DOP1B: variants seen among roughly 807,000 people sequenced by gnomAD.
DOP1B encodes the protein DOP1 leucine zipper like protein B.
A neutral mutation model predicts 233.5 loss-of-function variants in DOP1B; 174 were observed. The observed-to-expected ratio is 0.75, with a 90% confidence interval of 0.66 to 0.85. The LOEUF (loss-of-function observed/expected upper bound fraction) is 0.85, where lower values mean the gene tolerates loss of function less well. Ranked by LOEUF, DOP1B falls within the 40% of genes least tolerant of loss-of-function variation. DOP1B has a pLI of 0.00. For missense variants in DOP1B, 2,652 were observed against 2,846.6 expected (o/e 0.93, Z 1.56); for synonymous variants, 1,190 against 1,185.6 (o/e 1.00, Z -0.08).
chr21:36,286,174 C>T (rs997725871), intron 32 of DOP1B, among the ~76,000 whole-genome samples: 2 of 152,092 alleles, frequency 1.3e-5, no homozygotes, highest in Middle Eastern at 3.4e-3. Context: ...ATCAGTCTTA[C>T]GTCTTTGGGG....
intron 15 of DOP1B, among the ~76,000 whole-genome samples, chr21:36,233,604 G>A (rs115621976): frequency 0.013 from 1,951 of 152,344 alleles, 36 homozygotes; most frequent in African/African-American, 0.045. Context: ...GACTCTTGCT[G>A]CTTTGACCGA....
At chr21:36,292,031 C>G (rs2067564746) in intron 35 of DOP1B, 73 bp from the exon 36 acceptor site, 1 of 1,493,458 alleles carries the variant, frequency 6.7e-7, no homozygotes, top group Non-Finnish European at 8.9e-7. Context: ...TGAATTATAT[C>G]TTAATAAAAC....
chr21:36,253,120 C>T (rs1460366241), intron 22 of DOP1B, among the ~76,000 whole-genome samples: 1 of 152,206 alleles, frequency 6.6e-6, no homozygotes, highest in Non-Finnish European at 1.5e-5. Flanking sequence ...TGCCCATGAC[C>T]AGGGTATGCA....
At chr21:36,251,962 A>T (rs2067036774) in intron 22 of DOP1B, among the ~76,000 whole-genome samples, 1 of 152,190 alleles carries the variant, frequency 6.6e-6, no homozygotes. Context: ...ACACTTTGGG[A>T]GGCCAAGACG....
At chr21:36,278,394 T>C in intron 30 of DOP1B, 39 bp downstream of exon 30, 5 of 1,574,738 alleles carry the variant, frequency 3.2e-6, no homozygotes, top group Non-Finnish European at 4.3e-6. Flanking sequence ...GCTCTGAATC[T>C]TCAGGTGGAA....
At chr21:36,211,791 C>T in intron 6 of DOP1B, 140 bp downstream of exon 6, 2 of 1,302,134 alleles carry the variant, frequency 1.5e-6, no homozygotes, top group South Asian at 1.3e-5. Context: ...AGTCCTTGTT[C>T]ATTTTTGCAA....
intron 2 of DOP1B, among the ~76,000 whole-genome samples, chr21:36,165,486 T>C (rs766283145): frequency 6.6e-6 from 1 of 152,074 alleles, no homozygotes; most frequent in Non-Finnish European, 1.5e-5. Context: ...CACGTGGGCT[T>C]GACCTTGTAC....
At chr21:36,229,419 T>C (rs1350599861) in intron 13 of DOP1B, among the ~76,000 whole-genome samples, 1 of 152,154 alleles carries the variant, frequency 6.6e-6, no homozygotes, top group Non-Finnish European at 1.5e-5. Flanking sequence ...TCTCGGCCTT[T>C]ATGTTCACTT....
intron 36 of DOP1B, among the ~76,000 whole-genome samples, chr21:36,292,761 G>A (rs1601490077): frequency 6.6e-6 from 1 of 151,932 alleles, no homozygotes; most frequent in African/African-American, 2.4e-5. Context: ...ACAGGCACAT[G>A]CCACCACTCT....
chr21:36,179,353 A>T (rs2066068527), intron 2 of DOP1B, among the ~76,000 whole-genome samples: 1 of 152,200 alleles, frequency 6.6e-6, no homozygotes, highest in Non-Finnish European at 1.5e-5. Flanking sequence ...ATCCTCTTCA[A>T]CACTTGGTAT....
At chr21:36,192,775 C>T (rs113869088) in intron 2 of DOP1B, among the ~76,000 whole-genome samples, 1,906 of 152,006 alleles carry the variant, frequency 0.013, 39 homozygotes, top group African/African-American at 0.044. Context: ...GCAAGCTCCA[C>T]CTCCTGGGTT....
At chr21:36,167,936 TTTTC>T (rs1261767061) in intron 2 of DOP1B, among the ~76,000 whole-genome samples, 1,984 of 50,292 alleles carry the variant, frequency 0.039, 198 homozygotes, top group Non-Finnish European at 0.085. Flanking sequence ...TTTCTTTTCT[TTTTC>T]TTTTTTTTTT....
intron 2 of DOP1B, among the ~76,000 whole-genome samples, chr21:36,177,546 C>G (rs1485534796): frequency 6.6e-6 from 1 of 152,154 alleles, no homozygotes; most frequent in Admixed American, 6.5e-5. Flanking sequence ...AACTTAACCC[C>G]AATTTGACAA....
At position 36,230,634 on chromosome 21, in the gene DOP1B, G is replaced by C. The variant is rs1225818306; in HGVS notation, c.1850G>C (p.Trp617Ser). ...PRVSLERDDVWKKGGSMQRTF... is the reference protein window; with the variant it reads ...PRVSLERDDVSKKGGSMQRTF... The stretch of plus-strand genomic sequence containing the variant: ...GTTTCTCTGGAAAGGGACGACGTTT[G>C]GAAGAAGGGCGGGAGCATGCAGAGG... The change falls in exon 14 of 37, where the codon TGG becomes TCG. Residue 617 changes from tryptophan (W) to serine (S), a missense_variant. Coordinates refer to ENST00000691173, the MANE Select transcript of DOP1B (RefSeq NM_001320714.2). 1.2e-6 allele frequency: 2 copies of C among 1,614,196 alleles called. No individual in the cohort carries two copies. The highest frequency in any genetic ancestry group is 1.7e-6 in the Non-Finnish European group (2 of 1,180,040).
Position 36,293,471 on chromosome 21 carries a change from G to A in DOP1B, c.6797G>A (p.Gly2266Glu). 1 of 1,614,140 alleles carries A rather than the reference G, an allele frequency of 6.2e-7. No individual in the cohort carries two copies. Among genetic ancestry groups the A allele is most frequent in the Non-Finnish European group, 8.5e-7 (1 of 1,180,030 alleles). Reference protein sequence around the residue: ...TQRQLPADSPGTPFLDFPVTD... With the variant: ...TQRQLPADSPETPFLDFPVTD... Reference sequence around the variant, plus strand: ...AGACAGCTGCCTGCTGATAGCCCAGGAACTCCATTCTTGGACTTTCCTGTC... The same window carrying A: ...AGACAGCTGCCTGCTGATAGCCCAGAAACTCCATTCTTGGACTTTCCTGTC... The change falls in exon 37 of 37, where the codon GGA becomes GAA. Residue 2266 changes from glycine (G) to glutamate (E), a missense_variant. This residue lies in a region of DOP1B where 4 missense variants were observed against 18.1 expected (regional missense o/e 0.22). Coordinates refer to ENST00000691173, the MANE Select transcript of DOP1B (RefSeq NM_001320714.2).
intron 27 of DOP1B, 83 bp downstream of exon 27, chr21:36,270,240 C>T (rs751683336): frequency 6.8e-7 from 1 of 1,469,446 alleles, no homozygotes; most frequent in Non-Finnish European, 9.2e-7. Context: ...TGAGTGTTCT[C>T]ACCACAAAAA....
At chr21:36,157,187 C>G (rs1262682932) in intron 1 of DOP1B, among the ~76,000 whole-genome samples, 3 of 152,012 alleles carry the variant, frequency 2.0e-5, no homozygotes, top group African/African-American at 4.8e-5. Flanking sequence ...AGCGGGGAGA[C>G]TGGGTGGGGT....
intron 32 of DOP1B, 118 bp from the exon 33 acceptor site, chr21:36,287,896 T>A: frequency 2.3e-6 from 3 of 1,321,164 alleles, no homozygotes. Flanking sequence ...GTAACACTCA[T>A]TCCTTACACT....
chr21:36,165,564 G>A (rs188255869), intron 2 of DOP1B, among the ~76,000 whole-genome samples: 1 of 152,214 alleles, frequency 6.6e-6, no homozygotes, highest in Admixed American at 6.5e-5. Context: ...TAGGAACCGG[G>A]ACGCACAGCA....
Sources: gnomAD v4.1 joint callset for allele counts (sites outside exome capture counted in the v4.1 genomes callset) on GRCh38, gnomAD v4.1.1 for gene constraint, gnomAD v4.1.1 regional missense constraint, MANE v1.5 for transcripts, NCBI Gene and HGNC (gene_info 2026-07-23, HGNC 2026-07-21) for gene names.